Variants in MACROD2 observed in about 807,000 individuals in gnomAD.
MACROD2 encodes ADP-ribose glycohydrolase MACROD2.
A neutral mutation model predicts 70.4 loss-of-function variants in MACROD2; 36 were observed. That is an observed-to-expected ratio of 0.51 (90% CI 0.39 to 0.68). MACROD2 has a LOEUF of 0.68. Among genes scored for constraint, MACROD2 ranks in the 30% least tolerant of loss-of-function variants. The pLI is 0.00. For synonymous variants in MACROD2, 172 were observed against 178.8 expected (o/e 0.96, Z 0.30); for missense variants, 496 against 538.4 (o/e 0.92, Z 0.78).
At chr20:15,309,979 ATAGT>A (rs1219485785) in intron 6 of MACROD2, among the ~76,000 whole-genome samples, 4 of 152,192 alleles carry the variant, frequency 2.6e-5, no homozygotes, top group Admixed American at 2.6e-4. Context: ...AGCAGTAAGG[ATAGT>A]TAGGTAGAGT....
chr20:15,295,393 T>C (rs1237289706), intron 6 of MACROD2, among the ~76,000 whole-genome samples: 1 of 152,198 alleles, frequency 6.6e-6, no homozygotes, highest in Admixed American at 6.5e-5. Flanking sequence ...TCTTCCTGCC[T>C]TTCCTTTCTT....
chr20:15,489,768 C>G (rs1269300638), intron 7 of MACROD2, among the ~76,000 whole-genome samples: 1 of 152,120 alleles, frequency 6.6e-6, no homozygotes, highest in African/African-American at 2.4e-5. Flanking sequence ...CTGGTATGTT[C>G]CATCCATTCT....
At chr20:15,874,367 A>G (rs561647486) in intron 9 of MACROD2, among the ~76,000 whole-genome samples, 19 of 152,178 alleles carry the variant, frequency 1.2e-4, no homozygotes, top group African/African-American at 4.3e-4. Flanking sequence ...TAGTGCTGCA[A>G]TAAACATACG....
At chr20:14,020,406 G>A (rs1256929427) in intron 2 of MACROD2, among the ~76,000 whole-genome samples, 1 of 152,162 alleles carries the variant, frequency 6.6e-6, no homozygotes, top group East Asian at 1.9e-4. Flanking sequence ...CTGGGAGGTG[G>A]TGGCTGCAGT....
chr20:14,931,264 G>A (rs7262639), intron 5 of MACROD2, among the ~76,000 whole-genome samples: 21,982 of 152,102 alleles, frequency 0.14, 1,746 homozygotes, highest in South Asian at 0.19. Flanking sequence ...TATATACAGA[G>A]CATTCTCGGA....
intron 4 of MACROD2, among the ~76,000 whole-genome samples, chr20:14,681,534 G>C (rs1428115842): frequency 6.6e-6 from 1 of 152,098 alleles, no homozygotes; most frequent in African/African-American, 2.4e-5. Flanking sequence ...TTATATAGCA[G>C]GTAAAACAGT....
intron 5 of MACROD2, among the ~76,000 whole-genome samples, chr20:14,831,600 G>A (rs2072966007): frequency 6.6e-6 from 1 of 151,408 alleles, no homozygotes; most frequent in South Asian, 2.1e-4. Context: ...CCAACATGGC[G>A]AAACCCCATC....
At chr20:15,778,295 C>T (rs941269344) in intron 8 of MACROD2, among the ~76,000 whole-genome samples, 3 of 152,004 alleles carry the variant, frequency 2.0e-5, no homozygotes, top group African/African-American at 7.2e-5. Context: ...GTAGAATAGA[C>T]CACAAAAGCC....
chr20:15,440,644 G>C (rs1430257053), intron 7 of MACROD2, among the ~76,000 whole-genome samples: 1 of 152,182 alleles, frequency 6.6e-6, no homozygotes, highest in African/African-American at 2.4e-5. Context: ...CCCTTCATCA[G>C]CTTTAAATGC....
chr20:14,774,208 T>C (rs927959611), intron 5 of MACROD2, among the ~76,000 whole-genome samples: 3 of 152,038 alleles, frequency 2.0e-5, no homozygotes, highest in African/African-American at 7.3e-5. Context: ...TATATGTATA[T>C]GCTTTTTAGG....
At chr20:15,551,805 G>A (rs939678212) in intron 8 of MACROD2, among the ~76,000 whole-genome samples, 2 of 149,066 alleles carry the variant, frequency 1.3e-5, no homozygotes, top group African/African-American at 5.0e-5. Flanking sequence ...GGAGGTCAAG[G>A]CTGCAGTGAG....
At chr20:15,557,266 A>G (rs575412796) in intron 8 of MACROD2, among the ~76,000 whole-genome samples, 2 of 152,314 alleles carry the variant, frequency 1.3e-5, no homozygotes, top group South Asian at 4.1e-4. Flanking sequence ...AGTAAAATTT[A>G]GCCCAGGCTA....
intron 3 of MACROD2, among the ~76,000 whole-genome samples, chr20:14,295,571 G>T (rs190448836): frequency 2.9e-4 from 44 of 151,778 alleles, no homozygotes; most frequent in African/African-American, 6.8e-4. Context: ...TGTGTGGGGG[G>T]GCTGGGGGGA....
chr20:14,597,256 T>C (rs1176640738), intron 4 of MACROD2, among the ~76,000 whole-genome samples: 2 of 152,180 alleles, frequency 1.3e-5, no homozygotes, highest in Admixed American at 1.3e-4. Context: ...TTCATTACTG[T>C]ATAAATAAAT....
intron 3 of MACROD2, among the ~76,000 whole-genome samples, chr20:14,250,199 G>A (rs2081999769): frequency 6.6e-6 from 1 of 151,876 alleles, no homozygotes; most frequent in South Asian, 2.1e-4. Context: ...CCTCCTCTGG[G>A]CTGTATGTGG....
intron 5 of MACROD2, among the ~76,000 whole-genome samples, chr20:15,078,738 C>G (rs2075679546): frequency 6.6e-6 from 1 of 151,186 alleles, no homozygotes; most frequent in African/African-American, 2.4e-5. Context: ...TCTTCGACTC[C>G]TGGGTTCAAG....
At chr20:14,937,495 T>A (rs1365180015) in intron 5 of MACROD2, among the ~76,000 whole-genome samples, 2 of 152,148 alleles carry the variant, frequency 1.3e-5, no homozygotes, top group Non-Finnish European at 2.9e-5. Context: ...CACAAAATGC[T>A]CAGACTGTGG....
At chr20:14,704,514 A>C (rs189700591) in intron 5 of MACROD2, among the ~76,000 whole-genome samples, 1 of 152,118 alleles carries the variant, frequency 6.6e-6, no homozygotes, top group East Asian at 1.9e-4. Flanking sequence ...ACTTCTGGCC[A>C]TTGTATTCTG....
At chr20:14,666,384 A>G (rs1315308308) in intron 4 of MACROD2, among the ~76,000 whole-genome samples, 1 of 152,138 alleles carries the variant, frequency 6.6e-6, no homozygotes, top group East Asian at 1.9e-4. Context: ...CATTCTTAGC[A>G]GGGAAGTTTC....
Sources: allele counts gnomAD v4.1 joint callset (sites outside exome capture counted in the v4.1 genomes callset), GRCh38; gene constraint gnomAD v4.1.1; transcripts MANE v1.5; gene names NCBI Gene and HGNC (gene_info 2026-07-23, HGNC 2026-07-21).